Variants in TBC1D32 observed in about 807,000 individuals in gnomAD.
TBC1D32 encodes the protein protein broad-minded.
TBC1D32 carries 151 observed loss-of-function variants against 170.3 expected under a neutral mutation model. The ratio of observed to expected loss-of-function variants is 0.89; its 90% CI spans 0.78 to 1.01. The LOEUF is 1.01. Among genes scored for constraint, TBC1D32 ranks in the 50% least tolerant of loss-of-function variants. TBC1D32 has a pLI of 0.00. For synonymous variants in TBC1D32, 498 were observed against 488.0 expected (o/e 1.02, Z -0.27); for missense variants, 1,464 against 1,457.1 (o/e 1.00, Z -0.08).
At chr6:121,083,907 C>T (rs974903111) in intron 31 of TBC1D32, among the ~76,000 whole-genome samples, 1 of 152,016 alleles carries the variant, frequency 6.6e-6, no homozygotes, top group African/African-American at 2.4e-5. Flanking sequence ...GATTTGGTCC[C>T]TGTCTCATCT....
chr6:121,112,624 A>G lies in TBC1D32; in HGVS notation c.3205T>C (p.Phe1069Leu), dbSNP rs1246074652. 6.9e-6 allele frequency: 11 copies of G among 1,605,818 alleles called. No individual in the cohort carries two copies. The South Asian group carries it at 1.0e-4, about 15-fold the overall frequency. Residue 1069 changes from phenylalanine (F) to leucine (L), a missense_variant, in exon 29 of 32, where the codon TTT becomes CTT. This residue lies in a region of TBC1D32 where 1,363 missense variants were observed against 1,338.1 expected (regional missense o/e 1.02). Coordinates refer to ENST00000398212, the MANE Select transcript of TBC1D32 (RefSeq NM_152730.6). Reference sequence around the variant, plus strand: ...ATTATCATGAACAGAGAAGATACAAACCAGTCATGGCCAGCATAATTCCCT... The same window carrying G: ...ATTATCATGAACAGAGAAGATACAAGCCAGTCATGGCCAGCATAATTCCCT... ...LQGNYAGHDW[F>L]VSSLFMIMLG...
chr6:121,219,745 G>A (rs1451106782), intron 21 of TBC1D32, among the ~76,000 whole-genome samples: 1 of 152,212 alleles, frequency 6.6e-6, no homozygotes, highest in African/African-American at 2.4e-5. Context: ...ATGCTTTTTT[G>A]AATATTTAAG....
At chr6:121,334,039 C>T (rs998998629) in intron 1 of TBC1D32, among the ~76,000 whole-genome samples, 4 of 152,114 alleles carry the variant, frequency 2.6e-5, no homozygotes, top group Non-Finnish European at 4.4e-5. Context: ...TACATTCCGG[C>T]CTGGGCGACA....
At chr6:121,193,825 C>G (rs1790376503) in intron 22 of TBC1D32, among the ~76,000 whole-genome samples, 1 of 152,132 alleles carries the variant, frequency 6.6e-6, no homozygotes, top group Admixed American at 6.6e-5. Flanking sequence ...AAAAGAGAAT[C>G]ACAGCGCCTC....
chr6:121,258,188 A>T (rs1443602237), intron 15 of TBC1D32, among the ~76,000 whole-genome samples: 1 of 152,124 alleles, frequency 6.6e-6, no homozygotes, highest in African/African-American at 2.4e-5. Flanking sequence ...CTCTGTTATA[A>T]TTATGTATAA....
chr6:121,120,981 T>TA (rs1478974626), intron 26 of TBC1D32, among the ~76,000 whole-genome samples: 1 of 152,034 alleles, frequency 6.6e-6, no homozygotes, highest in Non-Finnish European at 1.5e-5. Flanking sequence ...TGTGAATTGT[T>TA]AGATATTTAG....
intron 3 of TBC1D32, among the ~76,000 whole-genome samples, chr6:121,316,061 C>T (rs1373733975): frequency 6.6e-6 from 1 of 152,116 alleles, no homozygotes; most frequent in African/African-American, 2.4e-5. Flanking sequence ...GATTCCTCCT[C>T]AAGAACTGAA....
intron 24 of TBC1D32, among the ~76,000 whole-genome samples, chr6:121,133,708 C>T (rs566691218): frequency 1.3e-5 from 2 of 152,186 alleles, no homozygotes; most frequent in South Asian, 2.1e-4. Flanking sequence ...CAGATACATA[C>T]ACCAAACACA....
intron 20 of TBC1D32, among the ~76,000 whole-genome samples, chr6:121,231,701 C>T (rs572787084): frequency 5.3e-5 from 8 of 152,172 alleles, no homozygotes; most frequent in African/African-American, 1.9e-4. Flanking sequence ...TGCTTGTTGG[C>T]CATTTGTGTA....
chr6:121,210,427 C>T (rs1340109771), intron 21 of TBC1D32, among the ~76,000 whole-genome samples: 1 of 152,120 alleles, frequency 6.6e-6, no homozygotes, highest in African/African-American at 2.4e-5. Flanking sequence ...GACGGGAATG[C>T]AAAAGGATTA....
chr6:121,123,448 T>C (rs1780490366), intron 26 of TBC1D32, among the ~76,000 whole-genome samples: 2 of 152,130 alleles, frequency 1.3e-5, no homozygotes, highest in South Asian at 2.1e-4. Context: ...ATTACTGTTA[T>C]ATCCTCTCAC....
At chr6:121,309,786 C>T (rs774737370) in intron 4 of TBC1D32, among the ~76,000 whole-genome samples, 7 of 152,112 alleles carry the variant, frequency 4.6e-5, no homozygotes, top group Non-Finnish European at 8.8e-5. Flanking sequence ...ATAATCCCAG[C>T]ACTTTGGGAG....
At chr6:121,122,211 C>A (rs1448182645) in intron 26 of TBC1D32, among the ~76,000 whole-genome samples, 2 of 151,974 alleles carry the variant, frequency 1.3e-5, no homozygotes, top group Non-Finnish European at 2.9e-5. Flanking sequence ...CCAAAAACTT[C>A]TCACCGTCTC....
At chr6:121,238,004 T>G (rs1563022838) in intron 20 of TBC1D32, among the ~76,000 whole-genome samples, 1 of 152,148 alleles carries the variant, frequency 6.6e-6, no homozygotes, top group Non-Finnish European at 1.5e-5. Flanking sequence ...TTGGCCAGAT[T>G]CAAACTGAAC....
At chr6:121,100,230 G>A (rs1483521336) in intron 30 of TBC1D32, among the ~76,000 whole-genome samples, 1 of 151,974 alleles carries the variant, frequency 6.6e-6, no homozygotes, top group Non-Finnish European at 1.5e-5. Flanking sequence ...GTGCTGAGAA[G>A]AATGTATATT....
chr6:121,333,339 A>C (rs1811439368), intron 1 of TBC1D32, among the ~76,000 whole-genome samples: 1 of 152,206 alleles, frequency 6.6e-6, no homozygotes, highest in Non-Finnish European at 1.5e-5. Context: ...AAGATCTTCA[A>C]GATCTACCTC....
intron 22 of TBC1D32, chr6:121,192,680 A>G (rs995326562): frequency 6.6e-6 from 1 of 152,068 alleles, no homozygotes; most frequent in African/African-American, 2.4e-5. Context: ...AAAGAATGGG[A>G]CCCTGCAATT....
chr6:121,291,416 A>G (rs1804846330), intron 12 of TBC1D32, among the ~76,000 whole-genome samples: 2 of 151,928 alleles, frequency 1.3e-5, no homozygotes, highest in Non-Finnish European at 2.9e-5. Context: ...AATATTTACT[A>G]TGTGGTGCTT....
intron 31 of TBC1D32, among the ~76,000 whole-genome samples, chr6:121,086,852 C>T (rs1776314349): frequency 6.6e-6 from 1 of 152,122 alleles, no homozygotes; most frequent in Non-Finnish European, 1.5e-5. Context: ...TGTCACTAAA[C>T]CTGTTTGTGT....
Sources: allele counts gnomAD v4.1 joint callset (sites outside exome capture counted in the v4.1 genomes callset), GRCh38; gene constraint gnomAD v4.1.1; regional missense constraint gnomAD v4.1.1; transcripts MANE v1.5; gene names NCBI Gene and HGNC (gene_info 2026-07-23, HGNC 2026-07-21).